The following RPTOR variants were observed in gnomAD, a reference collection of about 807,000 sequenced individuals.
RPTOR encodes regulatory-associated protein of mTOR.
In RPTOR, 21 loss-of-function variants were observed where a neutral mutation model predicts 169.9. That is an observed-to-expected ratio of 0.12 (90% CI 0.09 to 0.18). The LOEUF (loss-of-function observed/expected upper bound fraction) is 0.18, where lower values mean the gene tolerates loss of function less well. RPTOR is among the 10% of genes least tolerant of loss of function. The probability of loss-of-function intolerance (pLI) is 1.00; values close to 1 mark genes in which losing one functional copy is unlikely to be tolerated. For missense variants in RPTOR, 1,133 were observed against 1,855.9 expected, an observed-to-expected ratio of 0.61 and a Z score of 7.16; for synonymous variants, 732 against 753.2, an observed-to-expected ratio of 0.97 and a Z score of 0.46.
chr17:80,684,437 T>TTTAG (rs1322075568), intron 3 of RPTOR, among the ~76,000 whole-genome samples: 4 of 122,214 alleles, frequency 3.3e-5, no homozygotes, highest in Non-Finnish European at 7.7e-5. Context: ...TATTTATTTA[T>TTTAG]TTATTTATTT....
intron 13 of RPTOR, among the ~76,000 whole-genome samples, chr17:80,866,109 A>G (rs2067987108): frequency 1.3e-5 from 2 of 150,494 alleles, no homozygotes; most frequent in African/African-American, 4.9e-5. Context: ...TAATATTAAG[A>G]TACATAGATA....
chr17:80,767,089 G>A (rs988628796), intron 6 of RPTOR, among the ~76,000 whole-genome samples: 3 of 152,216 alleles, frequency 2.0e-5, no homozygotes, highest in African/African-American at 7.2e-5. Flanking sequence ...AAAAGAATAA[G>A]GGGCCAGGTG....
intron 3 of RPTOR, among the ~76,000 whole-genome samples, chr17:80,656,042 T>C (rs904861993): frequency 6.6e-6 from 1 of 152,270 alleles, no homozygotes; most frequent in Non-Finnish European, 1.5e-5. Context: ...TGACTGATTC[T>C]AGTTTTGAAA....
At chr17:80,634,800 G>GTGCA (rs2065491025) in intron 2 of RPTOR, among the ~76,000 whole-genome samples, 2 of 148,374 alleles carry the variant, frequency 1.3e-5, no homozygotes. Flanking sequence ...TGCATACTGT[G>GTGCA]TGTGCATACT....
At chr17:80,623,651 T>C (rs2065371941) in intron 1 of RPTOR, among the ~76,000 whole-genome samples, 1 of 152,118 alleles carries the variant, frequency 6.6e-6, no homozygotes, top group Admixed American at 6.6e-5. Flanking sequence ...TTCTCCTGTC[T>C]CAGCCTCCGG....
At chr17:80,917,158 G>C (rs1242344510) in intron 21 of RPTOR, among the ~76,000 whole-genome samples, 1 of 151,022 alleles carries the variant, frequency 6.6e-6, no homozygotes, top group East Asian at 1.9e-4. Flanking sequence ...TGTCGCCCAG[G>C]CTGGAGTGCA....
At chr17:80,831,691 A>G (rs35220590) in intron 9 of RPTOR, among the ~76,000 whole-genome samples, 24,196 of 152,066 alleles carry the variant, frequency 0.16, 2,031 homozygotes, top group Middle Eastern at 0.24. Flanking sequence ...GTGTATCACT[A>G]TGTATCCCTG....
chr17:80,545,240 C>T lies in RPTOR; in HGVS notation c.-390C>T, dbSNP rs2084259558. 1.3e-5 allele frequency: 3 copies of T among 238,508 alleles called. No individual in the cohort carries two copies. The highest frequency in any genetic ancestry group is 2.5e-5 in the Non-Finnish European group (3 of 121,448). The allele number at this position is 238,508 out of a possible 1,614,324, so 14.8% of individuals were successfully genotyped here. ...CCGGCACCAAGAGCGGCCTGCCTGT[C>T]TTCGGAACTGCTGAGGCGGTGGAGG... is the stretch of plus-strand genomic sequence containing the variant. On this transcript the variant is annotated 5_prime_UTR_variant, in exon 1 of 34. Coordinates refer to ENST00000306801, the MANE Select transcript of RPTOR (RefSeq NM_020761.3).
At chr17:80,964,217 C>G in intron 33 of RPTOR, 45 bp from the exon 34 acceptor site, 30 of 1,303,914 alleles carry the variant, frequency 2.3e-5, no homozygotes, top group Non-Finnish European at 3.1e-5. Flanking sequence ...CCCGCAGTGT[C>G]TGCCCGCACC....
At chr17:80,693,628 C>T (rs1364710161) in intron 3 of RPTOR, among the ~76,000 whole-genome samples, 1 of 152,222 alleles carries the variant, frequency 6.6e-6, no homozygotes, top group Non-Finnish European at 1.5e-5. Flanking sequence ...CTTGTAGTCC[C>T]TTTGGGTTCG....
At position 80,936,143 on chromosome 17, in the gene RPTOR, G is replaced by T. The variant is rs2068952431; in HGVS notation, c.2920-4353G>T. Among the ~76,000 whole-genome samples, 1 of 152,144 alleles carries T rather than the reference G, an allele frequency of 6.6e-6. No individual in the cohort carries two copies. Among genetic ancestry groups the T allele is most frequent in the East Asian group, 1.9e-4 (1 of 5,200 alleles). On this transcript the variant is annotated intron_variant, in intron 24 of 33. Transcript: ENST00000306801. This position sits in a 1 kb window ranked among gnomAD's most constrained non-coding sequence, Gnocchi z 4.1. The stretch of plus-strand genomic sequence containing the variant: ...AGGATCTTAATCACGGGAAAGTACG[G>T]ACCCCTGCAGTGAGATCCCACTACA...
intron 3 of RPTOR, among the ~76,000 whole-genome samples, chr17:80,645,885 G>A (rs1395841427): frequency 6.6e-6 from 1 of 152,230 alleles, no homozygotes; most frequent in Non-Finnish European, 1.5e-5. Context: ...GCAAAGGGGT[G>A]CAGTCCTCTG....
At chr17:80,854,380 G>T (rs571831543) in intron 11 of RPTOR, among the ~76,000 whole-genome samples, 1 of 152,226 alleles carries the variant, frequency 6.6e-6, no homozygotes, top group African/African-American at 2.4e-5. Flanking sequence ...GAGTCACACC[G>T]CAGTGAGCGC....
chr17:80,851,105 T>C (rs1351766055), intron 11 of RPTOR, among the ~76,000 whole-genome samples: 1 of 152,196 alleles, frequency 6.6e-6, no homozygotes, highest in East Asian at 1.9e-4. Flanking sequence ...ATTTTTGTAT[T>C]TTTTGTAGAG....
At position 80,671,893 on chromosome 17, in the gene RPTOR, C is replaced by T. The variant is rs183127031; in HGVS notation, c.348+28083C>T. ...AATTTTTGAAGGAGGCAATTATTGT[C>T]ATTGTTTAATATATAACTGGAGGCT... is the stretch of plus-strand genomic sequence containing the variant. On this transcript the variant is annotated intron_variant, in intron 3 of 33. Coordinates refer to ENST00000306801, the MANE Select transcript of RPTOR (RefSeq NM_020761.3). Among the ~76,000 whole-genome samples, 39 of 152,322 alleles carry T rather than the reference C, an allele frequency of 2.6e-4. No homozygotes were observed. In the East Asian group the frequency reaches 6.2e-3, roughly 24 times the overall value.
intron 6 of RPTOR, among the ~76,000 whole-genome samples, chr17:80,760,601 C>G (rs535073274): frequency 6.6e-6 from 1 of 152,280 alleles, no homozygotes; most frequent in African/African-American, 2.4e-5. Flanking sequence ...CGCACCCAGC[C>G]TCAGTCAAGC....
At chr17:80,744,207 A>G (rs375429389) in intron 5 of RPTOR, among the ~76,000 whole-genome samples, 3 of 84,136 alleles carry the variant, frequency 3.6e-5, no homozygotes, top group African/African-American at 1.8e-4. Context: ...AGCCCTGGTT[A>G]CTAGCACTGT....
At chr17:80,683,873 C>T (rs1163222472) in intron 3 of RPTOR, among the ~76,000 whole-genome samples, 1 of 152,136 alleles carries the variant, frequency 6.6e-6, no homozygotes, top group African/African-American at 2.4e-5. Flanking sequence ...TGGCATCAGC[C>T]ACGTTTCCAA....
intron 6 of RPTOR, among the ~76,000 whole-genome samples, chr17:80,770,298 A>G (rs1478556144): frequency 6.6e-6 from 1 of 152,160 alleles, no homozygotes; most frequent in Non-Finnish European, 1.5e-5. Context: ...ACCTCTTAGC[A>G]CTGTCACTTC....
Sources: gnomAD v4.1 joint callset for allele counts (sites outside exome capture counted in the v4.1 genomes callset) on GRCh38, gnomAD v4.1.1 for gene constraint, Gnocchi (gnomAD v3.1) non-coding constraint, MANE v1.5 for transcripts, NCBI Gene and HGNC (gene_info 2026-07-23, HGNC 2026-07-21) for gene names.